The following FRMPD2 variants were observed in gnomAD, a reference collection of about 807,000 sequenced individuals.
FRMPD2 encodes the protein FERM and PDZ domain containing 2.
FRMPD2 carries 96 observed loss-of-function variants against 140.1 expected under a neutral mutation model. The ratio of observed to expected loss-of-function variants is 0.69; its 90% CI spans 0.58 to 0.81. The LOEUF is 0.81. FRMPD2 is among the 40% of genes least tolerant of loss of function. The pLI is 0.00. For missense variants in FRMPD2, 1,240 were observed against 1,447.4 expected, an observed-to-expected ratio of 0.86 and a Z score of 2.32; for synonymous variants, 449 against 547.6, an observed-to-expected ratio of 0.82 and a Z score of 2.52.
Position 48,212,154 on chromosome 10 carries a change from C to A in FRMPD2, c.1456-45G>T, listed in dbSNP as rs753617294. 3.8e-6 allele frequency: 6 copies of A among 1,588,450 alleles called. No individual in the cohort carries two copies. In the South Asian group the frequency reaches 6.7e-5, roughly 18 times the overall value. ...GGGAAGGGCACAATCCAGACACTGGCCGGGGGACTCTGAGAGGAATGAAAA... is the reference window on the plus strand; with the variant it reads ...GGGAAGGGCACAATCCAGACACTGGACGGGGGACTCTGAGAGGAATGAAAA... On this transcript the variant is annotated intron_variant, in intron 12 of 28. Coordinates refer to ENST00000374201, the MANE Select transcript of FRMPD2 (RefSeq NM_001018071.4).
intron 21 of FRMPD2, among the ~76,000 whole-genome samples, chr10:48,180,470 G>A (rs1441264592): frequency 6.6e-6 from 1 of 152,122 alleles, no homozygotes; most frequent in African/African-American, 2.4e-5. Flanking sequence ...GGTTGCCCAC[G>A]CCTTGCCATT....
chr10:48,216,315 G>GATAGATAA (rs1839449061), intron 12 of FRMPD2, among the ~76,000 whole-genome samples: 5 of 152,146 alleles, frequency 3.3e-5, no homozygotes, highest in Admixed American at 2.6e-4. Flanking sequence ...TAGATAGATA[G>GATAGATAA]ATAGATAGAT....
At chr10:48,196,053 C>A (rs181179225) in intron 15 of FRMPD2, among the ~76,000 whole-genome samples, 1 of 152,054 alleles carries the variant, frequency 6.6e-6, no homozygotes, top group Non-Finnish European at 1.5e-5. Flanking sequence ...TACAGAGGAT[C>A]GGACTTATCT....
chr10:48,189,056 A>G (rs1838765107), intron 16 of FRMPD2, among the ~76,000 whole-genome samples: 1 of 152,192 alleles, frequency 6.6e-6, no homozygotes, highest in Non-Finnish European at 1.5e-5. Flanking sequence ...TACTGAACTG[A>G]CAAGTGGTTA....
intron 27 of FRMPD2, among the ~76,000 whole-genome samples, chr10:48,167,740 C>A (rs1370347829): frequency 5.3e-5 from 8 of 152,112 alleles, no homozygotes; most frequent in African/African-American, 1.9e-4. Flanking sequence ...GGTCACATAC[C>A]ATCTAGATGT....
chr10:48,252,573 C>T (rs1840409845), intron 1 of FRMPD2, among the ~76,000 whole-genome samples: 1 of 152,164 alleles, frequency 6.6e-6, no homozygotes, highest in African/African-American at 2.4e-5. Flanking sequence ...ATCTACTCCC[C>T]AGCTGCCCAG....
chr10:48,270,675 T>C (rs1332105017), intron 1 of FRMPD2, among the ~76,000 whole-genome samples: 1 of 151,884 alleles, frequency 6.6e-6, no homozygotes, highest in African/African-American at 2.4e-5. Flanking sequence ...CCCCCTTAGA[T>C]GTAGAGAGCT....
intron 12 of FRMPD2, among the ~76,000 whole-genome samples, chr10:48,217,550 C>G (rs902851151): frequency 1.3e-5 from 2 of 152,154 alleles, no homozygotes; most frequent in African/African-American, 4.8e-5. Context: ...CCATAATCAG[C>G]ATTTTTAAAA....
intron 12 of FRMPD2, 69 bp downstream of exon 12, chr10:48,222,244 A>C: frequency 1.3e-6 from 2 of 1,517,856 alleles, no homozygotes; most frequent in South Asian, 1.3e-5. Flanking sequence ...CACATTACTA[A>C]CACATGCCCT....
Position 48,216,652 on chromosome 10 carries a change from G to A in FRMPD2, c.1456-4543C>T, listed in dbSNP as rs961380198. On this transcript the variant is annotated intron_variant, in intron 12 of 28. Coordinates refer to ENST00000374201, the MANE Select transcript of FRMPD2 (RefSeq NM_001018071.4). ...GAGGTAGAAGGAAAGCTTGCAAGCAGCAGTTGTCACATGCTAGATACCACA... is the reference window on the plus strand; with the variant it reads ...GAGGTAGAAGGAAAGCTTGCAAGCAACAGTTGTCACATGCTAGATACCACA... Among the ~76,000 whole-genome samples the A allele has an allele frequency of 3.3e-5, 5 of 152,202 alleles. No homozygotes were observed. In the South Asian group the frequency reaches 1.0e-3, roughly 32 times the overall value.
chr10:48,245,860 G>A (rs1840235671), intron 3 of FRMPD2, among the ~76,000 whole-genome samples: 1 of 152,174 alleles, frequency 6.6e-6, no homozygotes. Context: ...AGGAAACAAT[G>A]AGGTAATGAA....
intron 8 of FRMPD2, among the ~76,000 whole-genome samples, chr10:48,237,517 C>G (rs914770800): frequency 6.6e-6 from 1 of 152,122 alleles, no homozygotes; most frequent in Non-Finnish European, 1.5e-5. Context: ...CTAACTTTGA[C>G]AGACAGACAG....
At chr10:48,210,612 C>T (rs1839297689) in intron 13 of FRMPD2, among the ~76,000 whole-genome samples, 2 of 152,180 alleles carry the variant, frequency 1.3e-5, no homozygotes, top group Non-Finnish European at 2.9e-5. Context: ...TTGAAGTCCC[C>T]ACTGGTCCCT....
At chr10:48,198,408 C>G (rs1052393079) in intron 15 of FRMPD2, among the ~76,000 whole-genome samples, 1 of 152,176 alleles carries the variant, frequency 6.6e-6, no homozygotes, top group Non-Finnish European at 1.5e-5. Context: ...AATTAAATAA[C>G]ATTGAAAATT....
intron 1 of FRMPD2, among the ~76,000 whole-genome samples, chr10:48,254,506 T>C (rs1390499846): frequency 1.3e-5 from 2 of 152,186 alleles, no homozygotes; most frequent in African/African-American, 2.4e-5. Context: ...GTAAGATAAT[T>C]CTCTACACTA....
chr10:48,259,941 A>G (rs1840552139), intron 1 of FRMPD2, among the ~76,000 whole-genome samples: 1 of 152,126 alleles, frequency 6.6e-6, no homozygotes, highest in Admixed American at 6.6e-5. Context: ...TCAGATACCT[A>G]CTGTATTAGG....
chr10:48,234,252 G>C (rs527476240), intron 9 of FRMPD2, among the ~76,000 whole-genome samples: 36 of 152,292 alleles, frequency 2.4e-4, no homozygotes, highest in African/African-American at 8.7e-4. Context: ...AAGAGAATGT[G>C]ACATTAAACA....
At chr10:48,244,672 C>T (rs74798668) in intron 4 of FRMPD2, 112 bp downstream of exon 4, 18 of 782,946 alleles carry the variant, frequency 2.3e-5, no homozygotes, top group South Asian at 1.5e-4. Flanking sequence ...ACCTAGAGGA[C>T]GGGAGAGTGG....
At chr10:48,208,889 T>C (rs759899761) in intron 13 of FRMPD2, among the ~76,000 whole-genome samples, 3 of 152,226 alleles carry the variant, frequency 2.0e-5, no homozygotes, top group African/African-American at 7.2e-5. Context: ...CCTTGCTGCA[T>C]TGAACATTCT....
Sources: gnomAD v4.1 joint callset for allele counts (sites outside exome capture counted in the v4.1 genomes callset) on GRCh38, gnomAD v4.1.1 for gene constraint, MANE v1.5 for transcripts, NCBI Gene and HGNC (gene_info 2026-07-23, HGNC 2026-07-21) for gene names.